DPP10: variants seen among roughly 807,000 people sequenced by gnomAD.
The protein encoded by DPP10 is dipeptidyl peptidase like 10, also known as inactive dipeptidyl peptidase 10.
In DPP10, 33 loss-of-function variants were observed where a neutral mutation model predicts 120.9. The ratio of observed to expected loss-of-function variants is 0.27; its 90% CI spans 0.21 to 0.37. The LOEUF (loss-of-function observed/expected upper bound fraction) is 0.37, where lower values mean the gene tolerates loss of function less well. Among genes scored for constraint, DPP10 ranks in the 10% least tolerant of loss-of-function variants. The pLI, the probability that DPP10 is intolerant of heterozygous loss-of-function variation, is 1.00. For missense variants in DPP10, 816 were observed against 942.8 expected, an observed-to-expected ratio of 0.87 and a Z score of 1.76; for synonymous variants, 337 against 326.1, an observed-to-expected ratio of 1.03 and a Z score of -0.36.
intron 5 of DPP10, among the ~76,000 whole-genome samples, chr2:115,551,789 A>T (rs924341402): frequency 3.3e-5 from 5 of 152,110 alleles, no homozygotes; most frequent in African/African-American, 9.7e-5. Flanking sequence ...ATTTATTTTT[A>T]AAAAAGGACA....
At chr2:114,950,874 C>A (rs1697734357) in intron 1 of DPP10, among the ~76,000 whole-genome samples, 1 of 152,168 alleles carries the variant, frequency 6.6e-6, no homozygotes, top group Non-Finnish European at 1.5e-5. Flanking sequence ...GTAATGAGGG[C>A]CCCTGGACCA....
chr2:114,958,375 GTACCGA>G (rs1698365318), intron 1 of DPP10, among the ~76,000 whole-genome samples: 3 of 152,076 alleles, frequency 2.0e-5, no homozygotes, highest in Non-Finnish European at 4.4e-5. Context: ...AAATATAGAC[GTACCGA>G]GTCCTTCTCA....
chr2:115,195,324 C>T (rs1293200306), intron 1 of DPP10, among the ~76,000 whole-genome samples: 1 of 152,116 alleles, frequency 6.6e-6, no homozygotes, highest in Non-Finnish European at 1.5e-5. Flanking sequence ...TATAACCATA[C>T]CTCACCGCCA....
rs1165368457 is a variant in DPP10, at chr2:115,087,533, CTTTTCTT to C, written c.61-221701_61-221695del. Among the ~76,000 whole-genome samples, 647 of 92,560 alleles carry C rather than the reference CTTTTCTT, an allele frequency of 7.0e-3. 2 individuals carry two copies. The highest frequency in any genetic ancestry group is 0.023 in the African/African-American group (622 of 27,344). 60.7% of individuals were successfully genotyped at this position (92,560 alleles called of 152,430 possible). A position where few individuals can be genotyped will look rare whatever the true frequency, so the allele number is the denominator to read the frequency against. ...TCTTTTTCTTTCTTTCTTTTCTTTT[CTTTTCTT>C]TTTTTTTTTTTTTTTTGACAGAGTT... On this transcript the variant is annotated intron_variant, in intron 1 of 25. Coordinates refer to ENST00000410059, the MANE Select transcript of DPP10 (RefSeq NM_020868.6).
At chr2:115,056,068 GTTGT>G (rs1428696971) in intron 1 of DPP10, among the ~76,000 whole-genome samples, 1 of 152,124 alleles carries the variant, frequency 6.6e-6, no homozygotes, top group East Asian at 1.9e-4. Flanking sequence ...CAAAATATTT[GTTGT>G]TTCTTTCTTC....
At chr2:114,891,282 GAAAAAC>G (rs1406918886) in intron 1 of DPP10, among the ~76,000 whole-genome samples, 1 of 152,076 alleles carries the variant, frequency 6.6e-6, no homozygotes, top group Non-Finnish European at 1.5e-5. Flanking sequence ...AAATTCAAGG[GAAAAAC>G]GCACCGTGGG....
At chr2:114,940,952 C>A (rs1321399142) in intron 1 of DPP10, among the ~76,000 whole-genome samples, 1 of 152,090 alleles carries the variant, frequency 6.6e-6, no homozygotes, top group Admixed American at 6.6e-5. Flanking sequence ...ATTCATGTGA[C>A]CATTTCTTGT....
chr2:115,269,337 A>C (rs2059594606), intron 1 of DPP10, among the ~76,000 whole-genome samples: 1 of 152,220 alleles, frequency 6.6e-6, no homozygotes. Context: ...TGTATTTGTT[A>C]TCTATTGCTC....
At chr2:115,282,334 T>C (rs984146339) in intron 1 of DPP10, among the ~76,000 whole-genome samples, 3 of 152,118 alleles carry the variant, frequency 2.0e-5, no homozygotes, top group African/African-American at 4.8e-5. Flanking sequence ...ATTTTGGTTA[T>C]CTGTATTGGG....
intron 2 of DPP10, among the ~76,000 whole-genome samples, chr2:115,333,070 A>C (rs964621223): frequency 1.3e-5 from 2 of 152,252 alleles, no homozygotes; most frequent in African/African-American, 4.8e-5. Flanking sequence ...GTCTCTTTGT[A>C]GATCTCTAAG....
At chr2:114,953,836 T>C (rs1031314773) in intron 1 of DPP10, among the ~76,000 whole-genome samples, 3 of 152,158 alleles carry the variant, frequency 2.0e-5, no homozygotes, top group African/African-American at 7.2e-5. Context: ...TATACTTTGA[T>C]TCAAATTTTG....
At chr2:115,162,018 C>G (rs1311042292) in intron 1 of DPP10, 1 of 1,387,100 alleles carries the variant, frequency 7.2e-7, no homozygotes, top group East Asian at 3.1e-5. Context: ...CAGGCGCAGC[C>G]GGCGGACCAG....
At chr2:115,819,846 T>A (rs192891123) in intron 21 of DPP10, among the ~76,000 whole-genome samples, 18 of 152,044 alleles carry the variant, frequency 1.2e-4, no homozygotes, top group Admixed American at 1.2e-3. Flanking sequence ...AATACAAAAC[T>A]AGCCGGGCAT....
intron 3 of DPP10, among the ~76,000 whole-genome samples, chr2:115,376,506 A>G (rs1030059156): frequency 1.3e-5 from 2 of 150,642 alleles, no homozygotes; most frequent in African/African-American, 4.9e-5. Flanking sequence ...ACCAGTGGAC[A>G]CTTGTTGATT....
chr2:115,705,462 C>G (rs1035643382), intron 7 of DPP10, among the ~76,000 whole-genome samples: 1 of 151,878 alleles, frequency 6.6e-6, no homozygotes, highest in African/African-American at 2.4e-5. Flanking sequence ...GGCTGAAAGT[C>G]TTGGCCTTAG....
intron 5 of DPP10, among the ~76,000 whole-genome samples, chr2:115,610,472 T>TGAC (rs72531669): frequency 1.4e-4 from 19 of 137,670 alleles, no homozygotes; most frequent in African/African-American, 5.0e-4. Context: ...TTGAAGGCTA[T>TGAC]GTACCACAAG....
At chr2:114,923,593 C>A (rs1345913102) in intron 1 of DPP10, among the ~76,000 whole-genome samples, 1 of 149,544 alleles carries the variant, frequency 6.7e-6, no homozygotes, top group African/African-American at 2.5e-5. Flanking sequence ...ATTCTCCTGC[C>A]TCAGCCTCCT....
At chr2:114,737,997 T>A (rs1677629779) in intron 1 of DPP10, among the ~76,000 whole-genome samples, 1 of 152,102 alleles carries the variant, frequency 6.6e-6, no homozygotes, top group East Asian at 1.9e-4. Context: ...CTGGGAAGCC[T>A]TAGGAAACTT....
chr2:115,624,640 G>A (rs1378854600), intron 5 of DPP10, among the ~76,000 whole-genome samples: 2 of 152,116 alleles, frequency 1.3e-5, no homozygotes, highest in East Asian at 3.9e-4. Context: ...TATAATCAAT[G>A]GAGTTAATAA....
Sources: gnomAD v4.1 joint callset for allele counts (sites outside exome capture counted in the v4.1 genomes callset) on GRCh38, gnomAD v4.1.1 for gene constraint, MANE v1.5 for transcripts, NCBI Gene and HGNC (gene_info 2026-07-23, HGNC 2026-07-21) for gene names.